Variants in TBC1D32 observed in about 807,000 individuals in gnomAD.
TBC1D32 encodes TBC1 domain family member 32.
A neutral mutation model predicts 170.3 loss-of-function variants in TBC1D32; 151 were observed. The ratio of observed to expected loss-of-function variants is 0.89; its 90% confidence interval spans 0.78 to 1.01. The LOEUF (loss-of-function observed/expected upper bound fraction) is 1.01. TBC1D32 is among the 50% of genes least tolerant of loss of function. TBC1D32 has a pLI of 0.00. For synonymous variants in TBC1D32, 498 were observed against 488.0 expected, an observed-to-expected ratio of 1.02 and a Z score of -0.27; for missense variants, 1,464 against 1,457.1, an observed-to-expected ratio of 1.00 and a Z score of -0.08.
intron 17 of TBC1D32, among the ~76,000 whole-genome samples, chr6:121,244,564 A>G (rs937656621): frequency 1.3e-5 from 2 of 152,074 alleles, no homozygotes; most frequent in African/African-American, 4.8e-5. Context: ...CTGTGTTTTT[A>G]GTTTGAAATC....
At chr6:121,149,055 T>C (rs1783852357) in intron 24 of TBC1D32, among the ~76,000 whole-genome samples, 1 of 152,214 alleles carries the variant, frequency 6.6e-6, no homozygotes, top group African/African-American at 2.4e-5. Context: ...ATAAATGTCT[T>C]CTTTTGAAAA....
intron 5 of TBC1D32, among the ~76,000 whole-genome samples, chr6:121,307,459 A>C (rs1385588656): frequency 2.0e-5 from 3 of 152,220 alleles, no homozygotes; most frequent in African/African-American, 7.2e-5. Flanking sequence ...ATTATTTGGC[A>C]ATGAAATATG....
intron 17 of TBC1D32, among the ~76,000 whole-genome samples, chr6:121,251,770 C>T (rs969540992): frequency 6.6e-6 from 1 of 152,052 alleles, no homozygotes; most frequent in Non-Finnish European, 1.5e-5. Context: ...GAACAGGCAA[C>T]CTACAGAATG....
At chr6:121,276,164 C>T (rs534961859) in intron 15 of TBC1D32, among the ~76,000 whole-genome samples, 26 of 147,730 alleles carry the variant, frequency 1.8e-4, no homozygotes, top group Admixed American at 4.1e-4. Context: ...AAACATCTAA[C>T]GGACAAGTTT....
At chr6:121,236,765 T>C (rs898217151) in intron 20 of TBC1D32, among the ~76,000 whole-genome samples, 1 of 152,130 alleles carries the variant, frequency 6.6e-6, no homozygotes, top group Admixed American at 6.5e-5. Flanking sequence ...TGCCATTTTA[T>C]ATAAAATGTG....
intron 21 of TBC1D32, among the ~76,000 whole-genome samples, chr6:121,222,363 T>G (rs1049229237): frequency 7.2e-5 from 11 of 152,116 alleles, no homozygotes; most frequent in Non-Finnish European, 1.6e-4. Context: ...ACTTAAGAAG[T>G]GCCAACATAC....
chr6:121,246,712 A>G (rs1274746112), intron 17 of TBC1D32, among the ~76,000 whole-genome samples: 2 of 151,900 alleles, frequency 1.3e-5, no homozygotes, highest in Non-Finnish European at 2.9e-5. Flanking sequence ...TCTGGAAATG[A>G]AAGACACACT....
At chr6:121,101,418 C>T (rs117161311) in intron 30 of TBC1D32, among the ~76,000 whole-genome samples, 3,767 of 151,966 alleles carry the variant, frequency 0.025, 169 homozygotes, top group East Asian at 0.13. Context: ...CCATGGGATG[C>T]GAAGCTGGTT....
chr6:121,229,945 T>TCA (rs927910735), intron 20 of TBC1D32, among the ~76,000 whole-genome samples: 11 of 152,094 alleles, frequency 7.2e-5, no homozygotes, highest in African/African-American at 2.4e-4. Flanking sequence ...CAGTTCCCCT[T>TCA]CACTCTCTCT....
At chr6:121,103,121 T>G (rs1184410328) in intron 30 of TBC1D32, among the ~76,000 whole-genome samples, 4 of 152,158 alleles carry the variant, frequency 2.6e-5, no homozygotes, top group East Asian at 3.9e-4. Context: ...TAGGAACACT[T>G]TTACACTGTT....
chr6:121,308,401 A>C (rs543661790), intron 4 of TBC1D32, among the ~76,000 whole-genome samples: 1 of 151,932 alleles, frequency 6.6e-6, no homozygotes, highest in African/African-American at 2.4e-5. Context: ...AATCAGAATC[A>C]CCAATGCAAC....
intron 26 of TBC1D32, among the ~76,000 whole-genome samples, chr6:121,125,862 G>T (rs780240596): frequency 6.6e-6 from 1 of 152,170 alleles, no homozygotes; most frequent in Non-Finnish European, 1.5e-5. Flanking sequence ...AGTATCTGCT[G>T]TGGGACACAG....
intron 12 of TBC1D32, among the ~76,000 whole-genome samples, chr6:121,288,157 C>A (rs1804192509): frequency 6.6e-6 from 1 of 151,996 alleles, no homozygotes; most frequent in Non-Finnish European, 1.5e-5. Context: ...AAGACCAGGG[C>A]AGAACTGAAG....
intron 1 of TBC1D32, among the ~76,000 whole-genome samples, chr6:121,329,627 G>A (rs1810942954): frequency 6.6e-6 from 1 of 151,906 alleles, no homozygotes; most frequent in Non-Finnish European, 1.5e-5. Flanking sequence ...ACTCCAGCCT[G>A]GGGGACAAGA....
chr6:121,303,499 G>T, intron 9 of TBC1D32, 118 bp downstream of exon 9: 1 of 825,454 alleles, frequency 1.2e-6, no homozygotes, highest in Non-Finnish European at 1.6e-6. Flanking sequence ...AGAAATAAAT[G>T]AGCTAACACA....
intron 17 of TBC1D32, among the ~76,000 whole-genome samples, chr6:121,253,410 G>GA (rs1383495399): frequency 6.6e-6 from 1 of 151,944 alleles, no homozygotes; most frequent in Non-Finnish European, 1.5e-5. Flanking sequence ...ATTCCCGCAA[G>GA]AAAAAAAGGC....
intron 15 of TBC1D32, among the ~76,000 whole-genome samples, chr6:121,272,008 A>G (rs891708817): frequency 6.6e-6 from 1 of 152,200 alleles, no homozygotes; most frequent in Non-Finnish European, 1.5e-5. Flanking sequence ...AAATGGGGAA[A>G]CGATTCCCTA....
chr6:121,115,259 C>T lies in TBC1D32; in HGVS notation c.2984-18G>A, dbSNP rs1283209771. On this transcript the variant is annotated intron_variant, in intron 26 of 31. Coordinates refer to ENST00000398212, the MANE Select transcript of TBC1D32 (RefSeq NM_152730.6). ...ATCAGTAGCTAAAGACAACAGAAAA[C>T]TGAGTTATAAAGTGCAGAAAAGTTT... 1.3e-6 allele frequency: 2 copies of T among 1,572,414 alleles called. No individual in the cohort carries two copies. The highest frequency in any genetic ancestry group is 2.3e-5 in the East Asian group (1 of 43,820).
chr6:121,189,576 A>G (rs911879512), intron 22 of TBC1D32, among the ~76,000 whole-genome samples: 6 of 152,008 alleles, frequency 3.9e-5, no homozygotes, highest in Admixed American at 1.3e-4. Flanking sequence ...CTAGAAAAAA[A>G]TGCTTGTAAC....
Sources: allele counts gnomAD v4.1 joint callset (sites outside exome capture counted in the v4.1 genomes callset), GRCh38; gene constraint gnomAD v4.1.1; transcripts MANE v1.5; gene names NCBI Gene and HGNC (gene_info 2026-07-23, HGNC 2026-07-21).